The following ST6GALNAC3 variants were observed in gnomAD, a reference collection of about 807,000 sequenced individuals.
ST6GALNAC3 encodes ST6 N-acetylgalactosaminide alpha-2,6-sialyltransferase 3, also known as alpha-N-acetylgalactosaminide alpha-2,6-sialyltransferase 3.
A neutral mutation model predicts 32.7 loss-of-function variants in ST6GALNAC3; 25 were observed. The ratio of observed to expected loss-of-function variants is 0.76; its 90% CI spans 0.56 to 1.07. ST6GALNAC3 has a LOEUF of 1.07. Among genes scored for constraint, ST6GALNAC3 ranks in the 50% least tolerant of loss-of-function variants. The probability of loss-of-function intolerance (pLI) is 0.00; values close to 1 mark genes in which losing one functional copy is unlikely to be tolerated. For missense variants in ST6GALNAC3, 355 were observed against 382.4 expected (o/e 0.93, Z 0.60); for synonymous variants, 129 against 133.1 (o/e 0.97, Z 0.21).
intron 2 of ST6GALNAC3, among the ~76,000 whole-genome samples, chr1:76,364,390 A>T (rs1650204348): frequency 6.6e-6 from 1 of 151,958 alleles, no homozygotes; most frequent in South Asian, 2.1e-4. Flanking sequence ...TCTCTACTTT[A>T]AAAAATACAA....
chr1:76,267,435 C>G (rs759954175), intron 1 of ST6GALNAC3, among the ~76,000 whole-genome samples: 1 of 152,140 alleles, frequency 6.6e-6, no homozygotes, highest in Non-Finnish European at 1.5e-5. Context: ...CTCTACTTTG[C>G]TCTTTCTTTC....
At chr1:76,635,309 C>A (rs341017), downstream of ST6GALNAC3, among the ~76,000 whole-genome samples, 857 of 152,248 alleles carry the variant, frequency 5.6e-3, 9 homozygotes, top group African/African-American at 0.02. Flanking sequence ...AGTTATCTAT[C>A]CAACTCTATA....
intron 3 of ST6GALNAC3, among the ~76,000 whole-genome samples, chr1:76,457,942 C>T (rs1366966188): frequency 4.0e-5 from 6 of 150,562 alleles, no homozygotes; most frequent in African/African-American, 1.5e-4. Context: ...TCAGAGTGAA[C>T]AGGCAACCTA....
intron 2 of ST6GALNAC3, among the ~76,000 whole-genome samples, chr1:76,397,973 T>C (rs1170491984): frequency 6.6e-6 from 1 of 152,180 alleles, no homozygotes. Flanking sequence ...ATTTCAGTAT[T>C]AATACTTCCC....
At chr1:76,591,287 A>G (rs1255811205) in intron 3 of ST6GALNAC3, among the ~76,000 whole-genome samples, 1 of 152,020 alleles carries the variant, frequency 6.6e-6, no homozygotes, top group African/African-American at 2.4e-5. Flanking sequence ...TCCTCTGGAA[A>G]TTCACCACCC....
chr1:76,380,873 A>G (rs886898222), intron 2 of ST6GALNAC3, among the ~76,000 whole-genome samples: 1 of 152,232 alleles, frequency 6.6e-6, no homozygotes, highest in Admixed American at 6.5e-5. Context: ...TAAATAGAAT[A>G]AGGTACTGGG....
At chr1:76,258,977 TGTG>T (rs1658076803) in intron 1 of ST6GALNAC3, among the ~76,000 whole-genome samples, 1 of 152,194 alleles carries the variant, frequency 6.6e-6, no homozygotes, top group Non-Finnish European at 1.5e-5. Context: ...CGCTTTCAAA[TGTG>T]GTGGGAGCAT....
At chr1:76,337,820 G>A (rs1647627692) in intron 2 of ST6GALNAC3, among the ~76,000 whole-genome samples, 1 of 152,160 alleles carries the variant, frequency 6.6e-6, no homozygotes, top group South Asian at 2.1e-4. Context: ...CACTGGTCCT[G>A]TGTGATTGGG....
intron 3 of ST6GALNAC3, among the ~76,000 whole-genome samples, chr1:76,487,376 A>G (rs1660193182): frequency 6.6e-6 from 1 of 152,120 alleles, no homozygotes; most frequent in South Asian, 2.1e-4. Context: ...TCAGACATAG[A>G]TTTGGTCTTT....
intron 3 of ST6GALNAC3, among the ~76,000 whole-genome samples, chr1:76,544,019 C>T (rs940206758): frequency 7.9e-5 from 12 of 151,186 alleles, no homozygotes; most frequent in African/African-American, 2.7e-4. Context: ...TAGATATAGC[C>T]CATGACCTCA....
At chr1:76,353,125 G>C (rs1475402100) in intron 2 of ST6GALNAC3, among the ~76,000 whole-genome samples, 2 of 152,124 alleles carry the variant, frequency 1.3e-5, no homozygotes, top group Non-Finnish European at 2.9e-5. Context: ...TTTCACTGCA[G>C]TCAGAATAAA....
At chr1:76,400,497 T>C (rs1653322466) in intron 2 of ST6GALNAC3, among the ~76,000 whole-genome samples, 1 of 152,152 alleles carries the variant, frequency 6.6e-6, no homozygotes, top group Non-Finnish European at 1.5e-5. Flanking sequence ...CAAAAATGAA[T>C]GAAGTGGGCC....
chr1:76,625,415 A>C (rs1648905694), intron 3 of ST6GALNAC3, among the ~76,000 whole-genome samples: 1 of 151,884 alleles, frequency 6.6e-6, no homozygotes, highest in Non-Finnish European at 1.5e-5. Context: ...GTGCTTGGTC[A>C]GCCTGATAAT....
intron 1 of ST6GALNAC3, among the ~76,000 whole-genome samples, chr1:76,178,203 G>A (rs1315237085): frequency 1.3e-5 from 2 of 152,206 alleles, no homozygotes; most frequent in Non-Finnish European, 2.9e-5. Context: ...AATAAACAAT[G>A]TAAAGAAGTA....
intron 3 of ST6GALNAC3, among the ~76,000 whole-genome samples, chr1:76,510,555 T>C (rs1234758025): frequency 6.6e-6 from 1 of 152,122 alleles, no homozygotes; most frequent in East Asian, 1.9e-4. Flanking sequence ...GACCCAAGAA[T>C]AATAATAACA....
chr1:76,260,047 A>G (rs1200989936), intron 1 of ST6GALNAC3, among the ~76,000 whole-genome samples: 5 of 151,536 alleles, frequency 3.3e-5, no homozygotes, highest in African/African-American at 1.2e-4. Context: ...GCTGGTGTTC[A>G]TTGAGCTAAT....
chr1:76,289,851 C>A (rs925292423), intron 1 of ST6GALNAC3, among the ~76,000 whole-genome samples: 2 of 152,200 alleles, frequency 1.3e-5, no homozygotes, highest in South Asian at 2.1e-4. Context: ...GCCCAACCCC[C>A]CTTCCACAGG....
intron 1 of ST6GALNAC3, among the ~76,000 whole-genome samples, chr1:76,205,658 T>C (rs1654780249): frequency 6.6e-6 from 1 of 152,124 alleles, no homozygotes; most frequent in African/African-American, 2.4e-5. Flanking sequence ...AGGAGGGAAA[T>C]CTACAATGGC....
Position 76,603,617 on chromosome 1 carries a change from G to C in ST6GALNAC3, c.624-23835G>C, listed in dbSNP as rs532628900. On this transcript the variant is annotated intron_variant, in intron 3 of 4. Transcript: ENST00000328299. The stretch of plus-strand genomic sequence containing the variant: ...TAAAATAACAGTTACTCCTGCCAGG[G>C]AGAAAGAGGATTGGAATGTGTCTGA... Among the ~76,000 whole-genome samples, 3 of 152,266 alleles carry C rather than the reference G, an allele frequency of 2.0e-5. No individual in the cohort carries two copies. In the South Asian group the frequency reaches 6.2e-4, roughly 32 times the overall value.
Sources: gnomAD v4.1 joint callset for allele counts (sites outside exome capture counted in the v4.1 genomes callset) on GRCh38, gnomAD v4.1.1 for gene constraint, MANE v1.5 for transcripts, NCBI Gene and HGNC (gene_info 2026-07-23, HGNC 2026-07-21) for gene names.